The following EXOC2 variants were observed in gnomAD, a reference collection of about 807,000 sequenced individuals.
EXOC2 encodes exocyst complex component 2.
In EXOC2, 70 loss-of-function variants were observed where a neutral mutation model predicts 131.8. The observed-to-expected ratio is 0.53, with a 90% CI of 0.44 to 0.65. The LOEUF (loss-of-function observed/expected upper bound fraction) is 0.65, where lower values mean the gene tolerates loss of function less well. Ranked by LOEUF, EXOC2 falls within the 30% of genes least tolerant of loss-of-function variation. The pLI, the probability that EXOC2 is intolerant of heterozygous loss-of-function variation, is 0.00. For synonymous variants in EXOC2, 411 were observed against 398.4 expected (o/e 1.03, Z -0.38); for missense variants, 923 against 1,108.6 (o/e 0.83, Z 2.38).
chr6:621,465 C>T (rs1339310391), intron 4 of EXOC2, among the ~76,000 whole-genome samples: 2 of 152,250 alleles, frequency 1.3e-5, no homozygotes, highest in African/African-American at 4.8e-5. Flanking sequence ...CGAGACGCCA[C>T]TCACTCCAAA....
chr6:597,017 G>T (rs1333780362), intron 10 of EXOC2, among the ~76,000 whole-genome samples: 2 of 152,142 alleles, frequency 1.3e-5, no homozygotes, highest in Non-Finnish European at 2.9e-5. Context: ...ACTATCCTGA[G>T]ATGCAGATTT....
intron 1 of EXOC2, among the ~76,000 whole-genome samples, chr6:676,899 C>T (rs1331955050): frequency 5.7e-5 from 7 of 122,420 alleles, no homozygotes; most frequent in African/African-American, 1.8e-4. Context: ...CTGGAGACTG[C>T]GGTTCCCCAT....
In EXOC2 at chr6:486,432, T is replaced by C. The variant is rs1248446331; in HGVS notation, c.*239A>G. On this transcript the variant is annotated 3_prime_UTR_variant, in exon 28 of 28. Transcript: ENST00000230449. ...CTGAGATGCAAAATATATTTTAAAATGTATTTTAAAGTCATACAGGATCTG... is the reference window on the plus strand; with the variant it reads ...CTGAGATGCAAAATATATTTTAAAACGTATTTTAAAGTCATACAGGATCTG... 1.2e-5 allele frequency: 5 copies of C among 405,608 alleles called. No homozygotes were observed. The highest frequency in any genetic ancestry group is 2.2e-5 in the Non-Finnish European group (5 of 228,638). The allele number at this position is 405,608 out of a possible 1,614,324, so 25.1% of individuals were successfully genotyped here.
At chr6:617,196 CT>C (rs1761058434) in intron 6 of EXOC2, among the ~76,000 whole-genome samples, 1 of 152,152 alleles carries the variant, frequency 6.6e-6, no homozygotes, top group African/African-American at 2.4e-5. Context: ...AAAAAAAACT[CT>C]ACCAACATCT....
At position 675,707 on chromosome 6, in the gene EXOC2, C is replaced by A. The variant is rs796994456; in HGVS notation, c.-44+17312G>T. On this transcript the variant is annotated intron_variant, in intron 1 of 27. Transcript: ENST00000230449. ...AAAGGACAGGTTCCTCTGGAGACTG[C>A]GGTTCCCCATACTCTTCAACATTAC... Among the ~76,000 whole-genome samples the A allele has an allele frequency of 7.5e-4, 73 of 97,662 alleles. 3 individuals are homozygous for A. Among genetic ancestry groups the A allele is most frequent in the South Asian group, 2.2e-3 (5 of 2,272 alleles). 64.1% of individuals were successfully genotyped at this position (97,662 alleles called of 152,430 possible).
chr6:679,276 A>C (rs1190019906), intron 1 of EXOC2: 1 of 152,230 alleles, frequency 6.6e-6, no homozygotes, highest in Admixed American at 6.5e-5. Flanking sequence ...GAAAACACCA[A>C]GAGCTTCAAA....
At chr6:598,416 A>G (rs558853460) in intron 9 of EXOC2, among the ~76,000 whole-genome samples, 1 of 152,364 alleles carries the variant, frequency 6.6e-6, no homozygotes, top group South Asian at 2.1e-4. Flanking sequence ...TAAATTTAAT[A>G]AGGCCCTGTG....
intron 1 of EXOC2, among the ~76,000 whole-genome samples, chr6:654,204 TCA>T (rs1747576430): frequency 6.6e-6 from 1 of 152,204 alleles, no homozygotes; most frequent in South Asian, 2.1e-4. Flanking sequence ...AGTTCATGGA[TCA>T]AGGAGTAATT....
At chr6:644,890 T>C (rs1362609182) in intron 1 of EXOC2, among the ~76,000 whole-genome samples, 2 of 152,122 alleles carry the variant, frequency 1.3e-5, no homozygotes, top group Non-Finnish European at 2.9e-5. Flanking sequence ...GAAGACTCAA[T>C]GTTGTTAAAG....
chr6:583,995 G>C (rs1351034550), intron 11 of EXOC2, among the ~76,000 whole-genome samples: 2 of 152,118 alleles, frequency 1.3e-5, no homozygotes, highest in African/African-American at 4.8e-5. Context: ...ATTCAGGAGA[G>C]AAACAATTTT....
intron 23 of EXOC2, among the ~76,000 whole-genome samples, chr6:517,639 G>T (rs1335634464): frequency 6.6e-6 from 1 of 152,192 alleles, no homozygotes; most frequent in Non-Finnish European, 1.5e-5. Flanking sequence ...ACCATTAGAT[G>T]AAAAGTTTAT....
intron 1 of EXOC2, among the ~76,000 whole-genome samples, chr6:641,043 T>C (rs1762329931): frequency 6.6e-6 from 1 of 152,070 alleles, no homozygotes; most frequent in Non-Finnish European, 1.5e-5. Flanking sequence ...ACATGACTTA[T>C]ACAGTCATAA....
intron 23 of EXOC2, among the ~76,000 whole-genome samples, chr6:514,350 T>C (rs1765018047): frequency 6.6e-6 from 1 of 152,178 alleles, no homozygotes; most frequent in Non-Finnish European, 1.5e-5. Context: ...TTAAGAAAAT[T>C]GGAGATGATT....
chr6:590,115 GA>G (rs34514915), intron 11 of EXOC2, among the ~76,000 whole-genome samples: 101,242 of 142,030 alleles, frequency 0.71, 37,954 homozygotes, highest in Non-Finnish European at 0.84. Flanking sequence ...ACTCTGTCTG[GA>G]AAAAAAAAAA....
chr6:592,583 G>A lies in EXOC2; in HGVS notation c.1078C>T (p.Leu360=). Residue 360 remains leucine (L), a synonymous_variant, in exon 11 of 28, where the codon CTG becomes TTG. Transcript: ENST00000230449. ...TCACCAGACGCATGAAGGTCAGACAGGTACCTGAAAAAGCAAGTCCAAGGT... is the reference window on the plus strand; with the variant it reads ...TCACCAGACGCATGAAGGTCAGACAAGTACCTGAAAAAGCAAGTCCAAGGT... ...LHDQKRYIRY[L]SDLHASGDPA... is the part of the protein sequence containing the mutation. 1 of 1,612,912 alleles carries A rather than the reference G, an allele frequency of 6.2e-7. No individual in the cohort carries two copies.
intron 1 of EXOC2, among the ~76,000 whole-genome samples, chr6:640,156 T>C (rs1200335282): frequency 6.6e-6 from 1 of 152,236 alleles, no homozygotes; most frequent in Non-Finnish European, 1.5e-5. Flanking sequence ...CTCTGATTAA[T>C]GAAATTTCAG....
chr6:517,395 T>A (rs1222020433), intron 23 of EXOC2, among the ~76,000 whole-genome samples: 1 of 152,176 alleles, frequency 6.6e-6, no homozygotes, highest in African/African-American at 2.4e-5. Context: ...GTTTACATCA[T>A]GACTTCATAA....
At chr6:611,479 C>T (rs1760711343) in intron 6 of EXOC2, among the ~76,000 whole-genome samples, 1 of 152,230 alleles carries the variant, frequency 6.6e-6, no homozygotes, top group African/African-American at 2.4e-5. Context: ...GCTGACAAAA[C>T]CCATCACTGA....
At chr6:683,154 A>G (rs1384003098) in intron 1 of EXOC2, among the ~76,000 whole-genome samples, 1 of 152,216 alleles carries the variant, frequency 6.6e-6, no homozygotes, top group Non-Finnish European at 1.5e-5. Context: ...ACCTTGCGGG[A>G]AGATGTGAGT....
Sources: allele counts gnomAD v4.1 joint callset (sites outside exome capture counted in the v4.1 genomes callset), GRCh38; gene constraint gnomAD v4.1.1; transcripts MANE v1.5; gene names NCBI Gene and HGNC (gene_info 2026-07-23, HGNC 2026-07-21).